The following BACH2 variants were observed in gnomAD, a reference collection of about 807,000 sequenced individuals.
BACH2 encodes BACH transcriptional regulator 2, also known as transcription regulator protein BACH2.
Under a neutral mutation model 61.8 loss-of-function variants are expected in BACH2, and 5 were observed. That is an observed-to-expected ratio of 0.08 (90% CI 0.04 to 0.17). The LOEUF (loss-of-function observed/expected upper bound fraction) is 0.17, where lower values mean the gene tolerates loss of function less well. Ranked by LOEUF, BACH2 falls within the 10% of genes least tolerant of loss-of-function variation. The pLI, the probability that BACH2 is intolerant of heterozygous loss-of-function variation, is 1.00. For synonymous variants in BACH2, 446 were observed against 440.1 expected (o/e 1.01, Z -0.17); for missense variants, 824 against 1,091.1 (o/e 0.76, Z 3.45).
At chr6:89,986,664 A>C (rs1159910284) in intron 6 of BACH2, among the ~76,000 whole-genome samples, 1 of 152,160 alleles carries the variant, frequency 6.6e-6, no homozygotes, top group African/African-American at 2.4e-5. Flanking sequence ...TGGTGAGTAA[A>C]ACAAAGTCTT....
intron 3 of BACH2, among the ~76,000 whole-genome samples, chr6:90,211,033 T>C (rs749929793): frequency 5.0e-4 from 72 of 142,890 alleles, no homozygotes; most frequent in Non-Finnish European, 8.3e-4. Flanking sequence ...GGCAGGCCTG[T>C]AATCCCAGCT....
At chr6:90,170,898 GAAGT>G (rs961478633) in intron 4 of BACH2, among the ~76,000 whole-genome samples, 1 of 152,138 alleles carries the variant, frequency 6.6e-6, no homozygotes, top group African/African-American at 2.4e-5. Flanking sequence ...AGAACCTAGA[GAAGT>G]AAGTAGGTAA....
chr6:90,033,351 T>TAAA (rs57759686), intron 5 of BACH2, among the ~76,000 whole-genome samples: 9 of 83,380 alleles, frequency 1.1e-4, no homozygotes, highest in Admixed American at 8.6e-4. Flanking sequence ...GAAACTTAAA[T>TAAA]AAAAAAAAAA....
chr6:89,965,744 C>A (rs1262848406), intron 6 of BACH2, among the ~76,000 whole-genome samples: 1 of 152,186 alleles, frequency 6.6e-6, no homozygotes, highest in Non-Finnish European at 1.5e-5. Context: ...GAAATCAGAA[C>A]TGAAGAACTG....
chr6:90,077,854 G>T (rs1582320335), intron 5 of BACH2, among the ~76,000 whole-genome samples: 2 of 152,066 alleles, frequency 1.3e-5, no homozygotes, highest in African/African-American at 2.4e-5. Flanking sequence ...CCTGGAGGAG[G>T]TTAAAGGGAG....
At chr6:89,954,627 G>A (rs757358654) in intron 6 of BACH2, among the ~76,000 whole-genome samples, 6 of 151,308 alleles carry the variant, frequency 4.0e-5, no homozygotes, top group Non-Finnish European at 4.4e-5. Flanking sequence ...ATGGGGATCT[G>A]TAGATCAGGA....
At chr6:90,168,865 G>A (rs1183096840) in intron 4 of BACH2, among the ~76,000 whole-genome samples, 1 of 152,148 alleles carries the variant, frequency 6.6e-6, no homozygotes, top group Non-Finnish European at 1.5e-5. Flanking sequence ...TTCCACGCTG[G>A]TTTTCATGTG....
At chr6:90,111,556 T>C (rs1783170957) in intron 4 of BACH2, among the ~76,000 whole-genome samples, 1 of 152,212 alleles carries the variant, frequency 6.6e-6, no homozygotes, top group African/African-American at 2.4e-5. Context: ...TCTTTAAACC[T>C]ATCCTGTGTG....
At chr6:90,266,297 A>C (rs972808582) in intron 2 of BACH2, among the ~76,000 whole-genome samples, 1 of 152,104 alleles carries the variant, frequency 6.6e-6, no homozygotes, top group African/African-American at 2.4e-5. Flanking sequence ...CAGATCCCAA[A>C]TCTGGCCCCA....
intron 5 of BACH2, among the ~76,000 whole-genome samples, chr6:90,030,104 T>G (rs754869279): frequency 6.6e-6 from 1 of 152,218 alleles, no homozygotes; most frequent in African/African-American, 2.4e-5. Context: ...AGAATTAGGC[T>G]GTTCTCTCCT....
chr6:90,170,468 C>A (rs1023122105), intron 4 of BACH2, among the ~76,000 whole-genome samples: 1 of 152,120 alleles, frequency 6.6e-6, no homozygotes, highest in Admixed American at 6.5e-5. Context: ...GTCTCCAGCA[C>A]CTAAAATGTA....
chr6:90,147,104 T>C (rs922510878), intron 4 of BACH2, among the ~76,000 whole-genome samples: 2 of 152,084 alleles, frequency 1.3e-5, no homozygotes, highest in Non-Finnish European at 2.9e-5. Flanking sequence ...GTTTCTTACA[T>C]AGAAATGGGT....
In BACH2 at chr6:90,008,188, C is replaced by A; in HGVS notation, c.243+414G>T. ...TTACTAGTTGCTTTTATTTTTCCCC[C>A]AAGCAAAGAAGGTGCTGTGAATGCT... On this transcript the variant is annotated intron_variant, in intron 6 of 8. Coordinates refer to ENST00000257749, the MANE Select transcript of BACH2 (RefSeq NM_021813.4). The surrounding 1 kb of genome is among the most constrained non-coding windows in gnomAD (Gnocchi z 4.1). The A allele has an allele frequency of 5.9e-6, 1 of 168,148 alleles. No homozygotes were observed. The highest frequency in any genetic ancestry group is 1.7e-4 in the South Asian group (1 of 5,802). The allele number at this position is 168,148 out of a possible 1,614,324, so 10.4% of individuals were successfully genotyped here.
intron 4 of BACH2, among the ~76,000 whole-genome samples, chr6:90,117,883 A>G (rs1783467682): frequency 3.3e-5 from 5 of 152,186 alleles, no homozygotes; most frequent in Admixed American, 3.3e-4. Context: ...AAGCGAGAAT[A>G]AACTTTACCT....
intron 4 of BACH2, among the ~76,000 whole-genome samples, chr6:90,103,029 A>AT (rs371386234): frequency 0.26 from 5,495 of 21,268 alleles, 1,541 homozygotes; most frequent in Non-Finnish European, 0.33. Flanking sequence ...ATATATATAT[A>AT]TTTTTTTTTT....
chr6:90,095,338 T>C (rs144577505), intron 4 of BACH2, among the ~76,000 whole-genome samples: 25 of 152,256 alleles, frequency 1.6e-4, no homozygotes, highest in African/African-American at 5.1e-4. Flanking sequence ...TTTATTCTAC[T>C]GGCATGGAAA....
chr6:89,975,227 G>A (rs1255259341), intron 6 of BACH2, among the ~76,000 whole-genome samples: 3 of 152,210 alleles, frequency 2.0e-5, no homozygotes, highest in South Asian at 4.1e-4. Context: ...GGAATTTGAA[G>A]AGGCAGAAAT....
intron 3 of BACH2, among the ~76,000 whole-genome samples, chr6:90,248,427 T>C (rs1355103075): frequency 6.6e-6 from 1 of 152,090 alleles, no homozygotes; most frequent in African/African-American, 2.4e-5. Context: ...CATAGACTAA[T>C]GGGAGAGAAA....
intron 3 of BACH2, among the ~76,000 whole-genome samples, chr6:90,228,099 T>G (rs551993228): frequency 1.3e-5 from 2 of 152,388 alleles, no homozygotes; most frequent in African/African-American, 4.8e-5. Flanking sequence ...TCCAGTACAT[T>G]TGCAAACTTG....
Sources: gnomAD v4.1 joint callset for allele counts (sites outside exome capture counted in the v4.1 genomes callset) on GRCh38, gnomAD v4.1.1 for gene constraint, Gnocchi (gnomAD v3.1) non-coding constraint, MANE v1.5 for transcripts, NCBI Gene and HGNC (gene_info 2026-07-23, HGNC 2026-07-21) for gene names.